NTM: variants seen among roughly 807,000 people sequenced by gnomAD.
The protein encoded by NTM is neurotrimin, also known as IgLON family member 2.
NTM carries 13 observed loss-of-function variants against 42.1 expected under a neutral mutation model. The ratio of observed to expected loss-of-function variants is 0.31; its 90% confidence interval spans 0.20 to 0.49. The LOEUF (loss-of-function observed/expected upper bound fraction) is 0.49. Ranked by LOEUF, NTM falls within the 20% of genes least tolerant of loss-of-function variation. The pLI is 0.99. For missense variants in NTM, 373 were observed against 452.8 expected (o/e 0.82, Z 1.60); for synonymous variants, 187 against 179.2 (o/e 1.04, Z -0.35).
intron 1 of NTM, chr11:131,534,613 T>C (rs1201385653): frequency 6.6e-6 from 1 of 152,236 alleles, no homozygotes; most frequent in Non-Finnish European, 1.5e-5. Flanking sequence ...AATCTTGCGC[T>C]TGTTCCTTTG....
Position 131,512,017 on chromosome 11 carries a change from A to G in NTM, c.82+141129A>G, listed in dbSNP as rs141807129. The stretch of plus-strand genomic sequence containing the variant: ...GCTGTCTAGACAGATCGCCACTGAT[A>G]GTGGAAGGGAAAAGAAACAGCACAG... On this transcript the variant is annotated intron_variant, in intron 1 of 8. Coordinates refer to ENST00000683400, the MANE Select transcript of NTM (RefSeq NM_001352005.2). 5.9e-3 allele frequency among the ~76,000 whole-genome samples: 899 copies of G among 152,188 alleles called. 44 individuals carry two copies. Among genetic ancestry groups the G allele is most frequent in the Admixed American group, 0.054 (825 of 15,282 alleles).
chr11:131,878,592 AAAATATATATATATATAT>A lies in NTM; in HGVS notation c.83-32970_83-32953del, dbSNP rs2048918423. Among the ~76,000 whole-genome samples the A allele has an allele frequency of 1.1e-4, 3 of 26,290 alleles. 1 individual carries two copies. Among genetic ancestry groups the A allele is most frequent in the Non-Finnish European group, 2.3e-4 (3 of 13,162 alleles). The allele number at this position is 26,290 out of a possible 152,430, so 17.2% of individuals were successfully genotyped here. A position where few individuals can be genotyped will look rare whatever the true frequency, so the allele number is the denominator to read the frequency against. ...CTCAAAAAAAAAAAAAAAAAAAAAA[AAAATATATATATATATAT>A]ATATATATATATATATATATATATA... On this transcript the variant is annotated intron_variant, in intron 1 of 8. Transcript: ENST00000683400.
intron 2 of NTM, among the ~76,000 whole-genome samples, chr11:132,038,183 C>T (rs1012072598): frequency 9.9e-5 from 15 of 152,186 alleles, no homozygotes; most frequent in South Asian, 2.1e-4. Flanking sequence ...TATTCTGTTC[C>T]GACACAGGTG....
chr11:131,700,166 T>G (rs1565442996), intron 1 of NTM, among the ~76,000 whole-genome samples: 2 of 152,262 alleles, frequency 1.3e-5, no homozygotes, highest in Middle Eastern at 3.4e-3. Context: ...TTTTACTTCA[T>G]TTGTTATTTC....
chr11:131,567,980 CTTA>C (rs1483898794), intron 1 of NTM, among the ~76,000 whole-genome samples: 7 of 152,166 alleles, frequency 4.6e-5, no homozygotes, highest in Non-Finnish European at 8.8e-5. Flanking sequence ...TGATGGCATC[CTTA>C]TTATTACTAC....
chr11:132,130,936 C>G (rs550310455), intron 2 of NTM, among the ~76,000 whole-genome samples: 1 of 152,198 alleles, frequency 6.6e-6, no homozygotes, highest in Non-Finnish European at 1.5e-5. Flanking sequence ...TTCATAGCCT[C>G]AGATCTGGGA....
intron 1 of NTM, among the ~76,000 whole-genome samples, chr11:131,425,940 T>C (rs1028065078): frequency 4.6e-5 from 7 of 152,136 alleles, no homozygotes; most frequent in Non-Finnish European, 1.0e-4. Flanking sequence ...TAGTCAAGAC[T>C]TGTTAATGTA....
At chr11:131,724,655 C>T (rs550845357) in intron 1 of NTM, among the ~76,000 whole-genome samples, 62 of 152,168 alleles carry the variant, frequency 4.1e-4, no homozygotes, top group Non-Finnish European at 8.1e-4. Context: ...CCCGCAGCCC[C>T]TCCGATGGTG....
intron 1 of NTM, among the ~76,000 whole-genome samples, chr11:131,669,647 C>G (rs943925034): frequency 6.6e-6 from 1 of 152,104 alleles, no homozygotes; most frequent in African/African-American, 2.4e-5. Flanking sequence ...TCAGGTGAGG[C>G]TCTGTCATCT....
intron 3 of NTM, among the ~76,000 whole-genome samples, chr11:132,174,787 T>C (rs2076564978): frequency 6.6e-6 from 1 of 152,150 alleles, no homozygotes; most frequent in African/African-American, 2.4e-5. Flanking sequence ...ACGATCGCCT[T>C]GGATTCAACG....
At chr11:131,542,633 T>G (rs144781504) in intron 1 of NTM, among the ~76,000 whole-genome samples, 2 of 152,154 alleles carry the variant, frequency 1.3e-5, no homozygotes, top group Admixed American at 6.5e-5. Flanking sequence ...AGCACCCACA[T>G]TTATCAGCTC....
At chr11:132,029,461 A>T (rs956111487) in intron 2 of NTM, among the ~76,000 whole-genome samples, 3 of 149,966 alleles carry the variant, frequency 2.0e-5, no homozygotes, top group Non-Finnish European at 4.4e-5. Context: ...TGTCCTTGCG[A>T]TAGTTTGCTG....
rs144258007 is a variant in NTM at position 131,609,069 on chromosome 11, TG to T, written c.82+238182del. Among the ~76,000 whole-genome samples, 1,022 of 152,194 alleles carry T rather than the reference TG, an allele frequency of 6.7e-3. 14 individuals are homozygous for T. The highest frequency in any genetic ancestry group is 0.022 in the African/African-American group (928 of 41,504). Reference sequence around the variant, plus strand: ...CAGTTAAAAATAACAAAACTGGGGGTGCATGGGTCAGGATGTGGACAGGAAA... The same window carrying T: ...CAGTTAAAAATAACAAAACTGGGGGTCATGGGTCAGGATGTGGACAGGAAA... On this transcript the variant is annotated intron_variant, in intron 1 of 8. Transcript: ENST00000683400.
chr11:132,109,790 C>T (rs1192971624), intron 2 of NTM, among the ~76,000 whole-genome samples: 1 of 152,158 alleles, frequency 6.6e-6, no homozygotes, highest in Non-Finnish European at 1.5e-5. Context: ...TATCCCTCAC[C>T]TCCCTCCCAC....
chr11:131,925,816 A>G (rs2057872523), intron 2 of NTM, among the ~76,000 whole-genome samples: 1 of 152,150 alleles, frequency 6.6e-6, no homozygotes, highest in African/African-American at 2.4e-5. Flanking sequence ...CGTACAAGGA[A>G]TGGAGGCAAT....
intron 2 of NTM, among the ~76,000 whole-genome samples, chr11:131,946,281 T>C (rs2134279668): frequency 6.6e-6 from 1 of 152,180 alleles, no homozygotes; most frequent in African/African-American, 2.4e-5. Context: ...TGGACAGACA[T>C]ATGTGCTTTT....
At chr11:131,996,501 C>T (rs565068582) in intron 2 of NTM, among the ~76,000 whole-genome samples, 6 of 152,226 alleles carry the variant, frequency 3.9e-5, no homozygotes, top group South Asian at 2.1e-4. Flanking sequence ...GGAAAACTCC[C>T]GTCCATTCAT....
chr11:131,477,708 T>C (rs1416520332), intron 1 of NTM, among the ~76,000 whole-genome samples: 1 of 152,006 alleles, frequency 6.6e-6, no homozygotes, highest in African/African-American at 2.4e-5. Context: ...CCCAGAGAGA[T>C]ATATTTTCTA....
intron 1 of NTM, chr11:131,777,207 A>T: frequency 3.9e-6 from 1 of 255,794 alleles, no homozygotes; most frequent in Non-Finnish European, 6.1e-6. Flanking sequence ...AGCCTGAGCT[A>T]GACACCTTGG....
Sources: allele counts gnomAD v4.1 joint callset (sites outside exome capture counted in the v4.1 genomes callset), GRCh38; gene constraint gnomAD v4.1.1; transcripts MANE v1.5; gene names NCBI Gene and HGNC (gene_info 2026-07-23, HGNC 2026-07-21).